The following RARB variants were observed in gnomAD, a reference collection of about 807,000 sequenced individuals.
RARB encodes the protein HBV-activated protein.
Under a neutral mutation model 51.9 loss-of-function variants are expected in RARB, and 17 were observed. That is an observed-to-expected ratio of 0.33 (90% CI 0.22 to 0.49). The LOEUF (loss-of-function observed/expected upper bound fraction) is 0.49. Among genes scored for constraint, RARB ranks in the 20% least tolerant of loss-of-function variants. The probability of loss-of-function intolerance (pLI) is 0.99; values close to 1 mark genes in which losing one functional copy is unlikely to be tolerated. For missense variants in RARB, 369 were observed against 550.8 expected, an observed-to-expected ratio of 0.67 and a Z score of 3.30; for synonymous variants, 215 against 195.4, an observed-to-expected ratio of 1.10 and a Z score of -0.84.
rs551253970 is a variant in RARB, at chr3:25,579,535, A to G, written c.610-1011A>G. The stretch of plus-strand genomic sequence containing the variant: ...AAGGTTTATCCATGTTGTAGCATGT[A>G]TTACAGTTTCCTTCCTTATTAACGC... On this transcript the variant is annotated intron_variant, in intron 4 of 7. Transcript: ENST00000330688. Among the ~76,000 whole-genome samples the G allele has an allele frequency of 1.9e-4, 29 of 152,326 alleles. 3 individuals are homozygous for G. In the South Asian group the frequency reaches 2.1e-3, roughly 11 times the overall value.
chr3:25,162,266 G>T (rs1419662122), intron 4 of RARB, among the ~76,000 whole-genome samples: 1 of 151,992 alleles, frequency 6.6e-6, no homozygotes, highest in Admixed American at 6.6e-5. Flanking sequence ...ACCATGCCTG[G>T]CTAAATTTTT....
rs1338988269 is a variant in RARB, at chr3:24,946,225, C to T, written c.-380+87473C>T. The stretch of plus-strand genomic sequence containing the variant: ...CTTGCAGTGAGCCGAGGTCACACCA[C>T]TGCACTCCAGCCTGGGGGACAAAAT... On this transcript the variant is annotated intron_variant, in intron 2 of 11. Coordinates refer to the RARB transcript ENST00000383772. 2.0e-5 allele frequency among the ~76,000 whole-genome samples: 3 copies of T among 147,154 alleles called. No homozygotes were observed. The East Asian group carries it at 6.1e-4, about 30-fold the overall frequency.
chr3:25,561,559 C>T (rs1700270887), intron 3 of RARB, among the ~76,000 whole-genome samples: 1 of 152,024 alleles, frequency 6.6e-6, no homozygotes, highest in South Asian at 2.1e-4. Flanking sequence ...TTCAAGCTGG[C>T]TCCAGATTGA....
intron 2 of RARB, among the ~76,000 whole-genome samples, chr3:24,900,760 A>C (rs1464198301): frequency 2.0e-5 from 3 of 152,224 alleles, no homozygotes; most frequent in Admixed American, 6.5e-5. Context: ...AAGCATGTCT[A>C]ATTTGAGCAC....
chr3:24,943,901 A>C (rs769558674), intron 2 of RARB, among the ~76,000 whole-genome samples: 1 of 152,324 alleles, frequency 6.6e-6, no homozygotes, highest in East Asian at 1.9e-4. Context: ...TTCAATATCA[A>C]ACATTCTTGC....
At chr3:25,400,233 C>A (rs547301362) in intron 5 of RARB, among the ~76,000 whole-genome samples, 1 of 152,136 alleles carries the variant, frequency 6.6e-6, no homozygotes, top group South Asian at 2.1e-4. Context: ...ACTTCCTTCT[C>A]CCCATTCTTT....
At chr3:25,040,217 T>C (rs539217421) in intron 2 of RARB, among the ~76,000 whole-genome samples, 52 of 152,338 alleles carry the variant, frequency 3.4e-4, no homozygotes, top group African/African-American at 1.2e-3. Context: ...TTTGTATGTT[T>C]CTATAGTGAT....
intron 2 of RARB, among the ~76,000 whole-genome samples, chr3:24,870,984 A>G (rs765399871): frequency 6.6e-6 from 1 of 152,088 alleles, no homozygotes; most frequent in Non-Finnish European, 1.5e-5. Context: ...ATCTTATTCT[A>G]TCTAACTATA....
rs11284240 is a variant in RARB, at chr3:25,092,378, CAAAA to C, written c.-328+32206_-328+32209del. 2.6e-5 allele frequency among the ~76,000 whole-genome samples: 4 copies of C among 151,780 alleles called. No individual in the cohort carries two copies. In the East Asian group the frequency reaches 5.8e-4, roughly 22 times the overall value. ...GTTTGCCCAAGATCTTAAAACAAAACAAAAAAACCTCTTTCCATATAAAGTGTCT... is the reference window on the plus strand; with the variant it reads ...GTTTGCCCAAGATCTTAAAACAAAACAAACCTCTTTCCATATAAAGTGTCT... On this transcript the variant is annotated intron_variant, in intron 3 of 11. Transcript: ENST00000383772.
intron 2 of RARB, among the ~76,000 whole-genome samples, chr3:24,929,553 A>G (rs1559400107): frequency 6.6e-6 from 1 of 152,160 alleles, no homozygotes; most frequent in Non-Finnish European, 1.5e-5. Context: ...ACTGGTCATT[A>G]TTCATTCATT....
chr3:25,558,071 T>C (rs549483467), intron 3 of RARB, among the ~76,000 whole-genome samples: 116 of 152,340 alleles, frequency 7.6e-4, no homozygotes, highest in African/African-American at 2.5e-3. Context: ...ATGAGCAATT[T>C]TGGATTCTCC....
chr3:25,196,650 T>A (rs979325402), intron 5 of RARB, among the ~76,000 whole-genome samples: 3 of 152,126 alleles, frequency 2.0e-5, no homozygotes, highest in Admixed American at 6.6e-5. Flanking sequence ...CGCCACACTG[T>A]CTTCCACAAT....
At chr3:24,877,985 CA>C (rs1703079273) in intron 2 of RARB, among the ~76,000 whole-genome samples, 1 of 152,144 alleles carries the variant, frequency 6.6e-6, no homozygotes, top group African/African-American at 2.4e-5. Context: ...ATCATCTCAC[CA>C]ACTCGGTTTC....
chr3:25,515,751 C>CA (rs1374882161), intron 3 of RARB, among the ~76,000 whole-genome samples: 1 of 152,104 alleles, frequency 6.6e-6, no homozygotes, highest in Non-Finnish European at 1.5e-5. Flanking sequence ...TGGTTACCCT[C>CA]AGAAAGGAGG....
intron 5 of RARB, among the ~76,000 whole-genome samples, chr3:25,588,655 G>C (rs1701497885): frequency 1.3e-5 from 2 of 152,142 alleles, no homozygotes; most frequent in African/African-American, 4.8e-5. Flanking sequence ...TAGCAATCAA[G>C]ACCCCGGCCA....
intron 2 of RARB, among the ~76,000 whole-genome samples, chr3:25,028,551 T>C (rs534260127): frequency 3.3e-5 from 5 of 152,280 alleles, no homozygotes; most frequent in Admixed American, 6.5e-5. Context: ...AGAAGCATGT[T>C]AGTCTGATAA....
At chr3:25,329,601 C>A (rs1252747816) in intron 5 of RARB, among the ~76,000 whole-genome samples, 1 of 152,212 alleles carries the variant, frequency 6.6e-6, no homozygotes, top group African/African-American at 2.4e-5. Flanking sequence ...CAGACTGCCT[C>A]TACTCCTCCA....
In RARB at chr3:25,113,289, T is replaced by C. The variant is rs116223235; in HGVS notation, c.-327-18872T>C. 6.6e-3 allele frequency among the ~76,000 whole-genome samples: 1,007 copies of C among 152,294 alleles called. 8 individuals carry two copies. Among genetic ancestry groups the C allele is most frequent in the African/African-American group, 0.022 (915 of 41,558 alleles). ...GGACACATTCTGTTCCCAGTTTCTC[T>C]TGGGAGACGCTGATAAGGAAATTAA... On this transcript the variant is annotated intron_variant, in intron 3 of 11. Transcript: ENST00000383772.
At chr3:24,968,788 C>T (rs1696331965) in intron 2 of RARB, among the ~76,000 whole-genome samples, 1 of 152,116 alleles carries the variant, frequency 6.6e-6, no homozygotes, top group Non-Finnish European at 1.5e-5. Flanking sequence ...CGAAGCAAGT[C>T]ATGTGACTAA....
Sources: allele counts gnomAD v4.1 joint callset (sites outside exome capture counted in the v4.1 genomes callset), GRCh38; gene constraint gnomAD v4.1.1; transcripts MANE v1.5; gene names NCBI Gene and HGNC (gene_info 2026-07-23, HGNC 2026-07-21).